PPARGC1A: variants seen among roughly 807,000 people sequenced by gnomAD.
PPARGC1A encodes PPARG coactivator 1 alpha.
A neutral mutation model predicts 88.7 loss-of-function variants in PPARGC1A; 25 were observed. The ratio of observed to expected loss-of-function variants is 0.28; its 90% CI spans 0.21 to 0.39. PPARGC1A has a LOEUF of 0.39. Among genes scored for constraint, PPARGC1A ranks in the 10% least tolerant of loss-of-function variants. PPARGC1A has a pLI of 1.00. For missense variants in PPARGC1A, 880 were observed against 968.7 expected (o/e 0.91, Z 1.22); for synonymous variants, 363 against 355.6 (o/e 1.02, Z -0.24).
the PPARGC1A span, among the ~76,000 whole-genome samples, chr4:24,444,877 A>G: frequency 1.3e-5 from 2 of 152,036 alleles, no homozygotes; most frequent in Non-Finnish European, 2.9e-5. Context: ...AACATGGTGA[A>G]CCCTGTCTCT....
chr4:24,052,956 C>T, the PPARGC1A span, among the ~76,000 whole-genome samples: 28 of 148,152 alleles, frequency 1.9e-4, no homozygotes, highest in African/African-American at 7.0e-4. Context: ...CTCCACCTCC[C>T]GGGTTCATGC....
At chr4:24,272,761 A>T in the PPARGC1A span, among the ~76,000 whole-genome samples, 3 of 152,184 alleles carry the variant, frequency 2.0e-5, no homozygotes, top group Admixed American at 1.3e-4. Flanking sequence ...CAGACTGCTA[A>T]TTAAGGAACT....
chr4:23,954,458 C>T, the PPARGC1A span, among the ~76,000 whole-genome samples: 1 of 151,942 alleles, frequency 6.6e-6, no homozygotes, highest in East Asian at 1.9e-4. Context: ...AGAATTATTT[C>T]ACACTGTTAC....
At chr4:23,816,840 G>T (rs1458271771) in intron 7 of PPARGC1A, among the ~76,000 whole-genome samples, 1 of 152,156 alleles carries the variant, frequency 6.6e-6, no homozygotes, top group East Asian at 1.9e-4. Context: ...TGTGAATTAT[G>T]TCTTGTCTTT....
chr4:23,888,240 T>C (rs1411298884), intron 1 of PPARGC1A, among the ~76,000 whole-genome samples: 3 of 152,192 alleles, frequency 2.0e-5, no homozygotes, highest in African/African-American at 7.2e-5. Flanking sequence ...GGCGACTCTA[T>C]CCATGGCTGG....
chr4:23,974,950 C>T, the PPARGC1A span, among the ~76,000 whole-genome samples: 4 of 151,484 alleles, frequency 2.6e-5, no homozygotes, highest in Non-Finnish European at 5.9e-5. Context: ...CAACCACACC[C>T]GGCTCCAGTG....
At chr4:24,349,111 C>A in the PPARGC1A span, among the ~76,000 whole-genome samples, 15 of 152,204 alleles carry the variant, frequency 9.9e-5, no homozygotes, top group African/African-American at 3.6e-4. Context: ...CAGCTCCAGG[C>A]TGGTACTGGG....
the PPARGC1A span, among the ~76,000 whole-genome samples, chr4:24,466,760 A>C: frequency 5.3e-5 from 8 of 151,650 alleles, no homozygotes; most frequent in African/African-American, 1.9e-4. Context: ...ACTAAAATAC[A>C]AAAATTAGCC....
chr4:24,466,184 T>TAATAA, the PPARGC1A span, among the ~76,000 whole-genome samples: 1 of 152,212 alleles, frequency 6.6e-6, no homozygotes, highest in Non-Finnish European at 1.5e-5. Context: ...CAGGTAGTTA[T>TAATAA]GGTTGATTCC....
chr4:24,186,161 G>C, the PPARGC1A span, among the ~76,000 whole-genome samples: 1 of 152,082 alleles, frequency 6.6e-6, no homozygotes, highest in Non-Finnish European at 1.5e-5. Flanking sequence ...GGGGCACAGA[G>C]AGGGTGGGCA....
At chr4:24,093,506 T>C in the PPARGC1A span, among the ~76,000 whole-genome samples, 1 of 152,150 alleles carries the variant, frequency 6.6e-6, no homozygotes, top group Non-Finnish European at 1.5e-5. Context: ...ACTGAGAATA[T>C]ACAGATGCTT....
chr4:23,977,013 AGAG>A, the PPARGC1A span, among the ~76,000 whole-genome samples: 4 of 151,866 alleles, frequency 2.6e-5, no homozygotes, highest in African/African-American at 9.7e-5. Context: ...AGGAAAAGAG[AGAG>A]GAGGAGGAAA....
At chr4:23,958,111 C>A in the PPARGC1A span, among the ~76,000 whole-genome samples, 3 of 152,202 alleles carry the variant, frequency 2.0e-5, no homozygotes, top group East Asian at 5.8e-4. Context: ...AGGAATGAAA[C>A]TTTTACTTGC....
At chr4:24,151,225 T>C in the PPARGC1A span, among the ~76,000 whole-genome samples, 14 of 152,208 alleles carry the variant, frequency 9.2e-5, no homozygotes, top group African/African-American at 3.1e-4. Flanking sequence ...CTTAGCAGGC[T>C]GGGTGGCCTA....
intron 7 of PPARGC1A, among the ~76,000 whole-genome samples, chr4:23,822,731 T>A (rs979559660): frequency 6.6e-6 from 1 of 152,044 alleles, no homozygotes; most frequent in Non-Finnish European, 1.5e-5. Flanking sequence ...TCCCTCAATC[T>A]CCTCTTTATG....
the PPARGC1A span, among the ~76,000 whole-genome samples, chr4:24,446,410 T>C: frequency 1.3e-5 from 2 of 152,080 alleles, no homozygotes; most frequent in African/African-American, 4.8e-5. Flanking sequence ...CTTTAGCCTG[T>C]TTTTTAATAG....
At position 23,802,321 on chromosome 4, in the gene PPARGC1A, C is replaced by T. The variant is rs776120045; in HGVS notation, c.2044G>A (p.Gly682Ser). ...AIEERRVIYV[G>S]KIRPDTTRTE... ...CGTGTTGTGTCAGGTCTGATTTTACCGACATAAATCACACGGCGCTCTTCC... is the reference window on the plus strand; with the variant it reads ...CGTGTTGTGTCAGGTCTGATTTTACTGACATAAATCACACGGCGCTCTTCC... The change falls in exon 11 of 13, where the codon GGT becomes AGT. Residue 682 changes from glycine to serine, a missense_variant. Coordinates refer to ENST00000264867, the MANE Select transcript of PPARGC1A (RefSeq NM_013261.5). The T allele has an allele frequency of 1.2e-5, 19 of 1,613,298 alleles. No homozygotes were observed. Among genetic ancestry groups the T allele is most frequent in the Middle Eastern group, 1.6e-4 (1 of 6,082 alleles).
chr4:24,293,861 T>C, the PPARGC1A span, among the ~76,000 whole-genome samples: 3 of 152,044 alleles, frequency 2.0e-5, no homozygotes, highest in South Asian at 2.1e-4. Context: ...TCTTTGAATA[T>C]AGAAATATTT....
At chr4:23,802,831 T>G (rs960826935) in intron 10 of PPARGC1A, among the ~76,000 whole-genome samples, 2 of 152,146 alleles carry the variant, frequency 1.3e-5, no homozygotes, top group Non-Finnish European at 2.9e-5. Flanking sequence ...TAATTCCCAT[T>G]TCTTCAGTAT....
Sources: gnomAD v4.1 joint callset for allele counts (sites outside exome capture counted in the v4.1 genomes callset) on GRCh38, gnomAD v4.1.1 for gene constraint, MANE v1.5 for transcripts, NCBI Gene and HGNC (gene_info 2026-07-23, HGNC 2026-07-21) for gene names.